ZNF341: variants seen among roughly 807,000 people sequenced by gnomAD.
ZNF341 encodes zinc finger protein 341.
Under a neutral mutation model 87.7 loss-of-function variants are expected in ZNF341, and 52 were observed. The observed-to-expected ratio is 0.59, with a 90% CI of 0.47 to 0.75. The LOEUF is 0.75. ZNF341 is among the 30% of genes least tolerant of loss of function. The probability of loss-of-function intolerance (pLI) is 0.00; values close to 1 mark genes in which losing one functional copy is unlikely to be tolerated. For synonymous variants in ZNF341, 459 were observed against 472.7 expected, an observed-to-expected ratio of 0.97 and a Z score of 0.38; for missense variants, 977 against 1,145.9, an observed-to-expected ratio of 0.85 and a Z score of 2.13.
chr20:33,753,301 C>G lies in ZNF341; in HGVS notation c.619C>G (p.Pro207Ala), dbSNP rs569450704. The change falls in exon 5 of 15, where the codon CCT (proline) becomes GCT (alanine). Residue 207 changes from proline to alanine, a missense_variant. Physicochemically the swap from Pro to Ala is conservative, Grantham distance 27 (BLOSUM62 -1). Around this residue, in one of 3 missense-constraint regions of ZNF341, gnomAD observed 515 missense variants for 598.2 expected, o/e 0.86. Transcript: ENST00000375200. ...ACCTCCACCCCAGAGCCTGGGCCCC[C>G]CTGGGCGTCCCAACCCTGGTGGGAA... ...PPPPPQSLGP[P>A]GRPNPGGNGV... The G allele has an allele frequency of 1.4e-5, 23 of 1,611,962 alleles. No homozygotes were observed. The highest frequency in any genetic ancestry group is 9.3e-5 in the African/African-American group (7 of 75,034).
chr20:33,773,196 A>G lies in ZNF341; in HGVS notation c.1622+2904A>G, dbSNP rs544609107. Among the ~76,000 whole-genome samples the G allele has an allele frequency of 1.1e-4, 16 of 152,286 alleles. 1 individual carries two copies. Among genetic ancestry groups the G allele is most frequent in the African/African-American group, 3.9e-4 (16 of 41,558 alleles). Reference sequence around the variant, plus strand: ...AAGATGAAGACACTGAGGTTCAAAGAGAAGTGACCTGCCCACCAGAGTAAC... The same window carrying G: ...AAGATGAAGACACTGAGGTTCAAAGGGAAGTGACCTGCCCACCAGAGTAAC... On this transcript the variant is annotated intron_variant, in intron 10 of 14. Transcript: ENST00000375200.
In ZNF341 at chr20:33,765,434, A is replaced by G. The variant is rs548676115; in HGVS notation, c.1223-1417A>G. Among the ~76,000 whole-genome samples the G allele has an allele frequency of 1.2e-3, 183 of 150,472 alleles. 1 individual carries two copies. The highest frequency in any genetic ancestry group is 2.1e-3 in the Non-Finnish European group (144 of 67,606). ...TGCTCTGTCACCCAGGCTGGAGTGC[A>G]ATGGCATGATGGTGGCTCCCTGCAG... is the stretch of plus-strand genomic sequence containing the variant. On this transcript the variant is annotated intron_variant, in intron 8 of 14. Transcript: ENST00000375200.
At chr20:33,750,228 A>G (rs1187084660) in intron 4 of ZNF341, among the ~76,000 whole-genome samples, 1 of 152,148 alleles carries the variant, frequency 6.6e-6, no homozygotes, top group African/African-American at 2.4e-5. Flanking sequence ...AAGTGCTGGG[A>G]TTGTAGACGT....
At chr20:33,755,328 T>C (rs1386161226) in intron 5 of ZNF341, among the ~76,000 whole-genome samples, 2 of 151,904 alleles carry the variant, frequency 1.3e-5, no homozygotes, top group Non-Finnish European at 2.9e-5. Context: ...CAGAGGGATG[T>C]TTTTTCTTTT....
intron 5 of ZNF341, among the ~76,000 whole-genome samples, chr20:33,755,472 A>AT (rs557907558): frequency 7.3e-4 from 109 of 149,240 alleles, no homozygotes; most frequent in African/African-American, 2.3e-3. Context: ...AGATTTTATA[A>AT]TTTTTTTTGT....
intron 8 of ZNF341, among the ~76,000 whole-genome samples, chr20:33,764,683 A>G (rs1312126533): frequency 5.6e-5 from 8 of 143,718 alleles, no homozygotes; most frequent in Admixed American, 2.9e-4. Context: ...AACCCGATAT[A>G]TTAACATTAT....
intron 12 of ZNF341, among the ~76,000 whole-genome samples, chr20:33,785,601 T>C (rs1161269801): frequency 6.6e-6 from 1 of 152,136 alleles, no homozygotes; most frequent in Non-Finnish European, 1.5e-5. Context: ...CCTCTCAAAG[T>C]GCTGGGATTA....
intron 4 of ZNF341, among the ~76,000 whole-genome samples, chr20:33,750,697 G>A (rs1396310324): frequency 6.6e-6 from 1 of 151,770 alleles, no homozygotes; most frequent in Admixed American, 6.6e-5. Flanking sequence ...CTGGAGTGCA[G>A]TGGCACCATC....
intron 7 of ZNF341, among the ~76,000 whole-genome samples, chr20:33,760,118 T>A (rs2019261687): frequency 6.6e-6 from 1 of 152,168 alleles, no homozygotes; most frequent in African/African-American, 2.4e-5. Context: ...AATGCTCAAA[T>A]TGGGTTGGGC....
chr20:33,791,115 C>A lies in ZNF341; in HGVS notation c.2163C>A (p.Ser721=), dbSNP rs575131494. The A allele has an allele frequency of 2.7e-4, 433 of 1,613,374 alleles. 1 individual carries two copies. In the African/African-American group the frequency reaches 5.4e-3, roughly 20 times the overall value. The change falls in exon 15 of 15, where the codon TCC becomes TCA. Residue 721 remains serine, a synonymous_variant. Transcript: ENST00000375200. ...GTGCTGGCTGCGCCAAGGGCTTTTC[C>A]CGCCACAAATACCTCAAAGATCACC... ...FRCAGCAKGF[S]RHKYLKDHRC...
intron 3 of ZNF341, among the ~76,000 whole-genome samples, chr20:33,746,080 G>A (rs1278896321): frequency 1.4e-5 from 2 of 145,682 alleles, no homozygotes; most frequent in African/African-American, 5.1e-5. Flanking sequence ...ACAGGTGCCC[G>A]CCACCACACC....
intron 10 of ZNF341, among the ~76,000 whole-genome samples, chr20:33,770,687 T>G (rs1284288977): frequency 6.6e-6 from 1 of 152,020 alleles, no homozygotes; most frequent in East Asian, 1.9e-4. Flanking sequence ...TCTTAACAAT[T>G]AAAAAAGAAT....
rs146122321 is a variant in ZNF341, at chr20:33,772,369, T to G, written c.1622+2077T>G. ...TGGTTTTTGCTTCTCTGTACAAACT[T>G]GTACCTGCAGAGATTTGGTGTTTCT... On this transcript the variant is annotated intron_variant, in intron 10 of 14. Transcript: ENST00000375200. 6.5e-3 allele frequency among the ~76,000 whole-genome samples: 997 copies of G among 152,282 alleles called. 8 individuals carry two copies. Among genetic ancestry groups the G allele is most frequent in the South Asian group, 0.032 (152 of 4,824 alleles).
At chr20:33,752,234 G>C (rs1457658066) in intron 4 of ZNF341, 2 of 576,490 alleles carry the variant, frequency 3.5e-6, no homozygotes, top group Non-Finnish European at 6.8e-6. Context: ...GGTAACCAAA[G>C]TATAGAGCTT....
At chr20:33,733,123 T>G (rs1187350242) in intron 1 of ZNF341, among the ~76,000 whole-genome samples, 1 of 151,992 alleles carries the variant, frequency 6.6e-6, no homozygotes, top group Admixed American at 6.6e-5. Flanking sequence ...CTCGGCTCAC[T>G]GCAACCTCCC....
chr20:33,738,239 GACTGT>G (rs2018732324), intron 1 of ZNF341, among the ~76,000 whole-genome samples: 8 of 152,002 alleles, frequency 5.3e-5, no homozygotes, highest in Admixed American at 5.2e-4. Flanking sequence ...AAGAGTTTGA[GACTGT>G]CCTGGGCAAC....
intron 4 of ZNF341, among the ~76,000 whole-genome samples, chr20:33,749,436 G>C (rs551152422): frequency 6.3e-4 from 96 of 152,220 alleles, no homozygotes; most frequent in Middle Eastern, 3.4e-3. Context: ...GAGATTACAG[G>C]CATGTGCCAC....
chr20:33,740,849 T>G, intron 1 of ZNF341, 53 bp from the exon 2 acceptor site: 3 of 1,549,738 alleles, frequency 1.9e-6, no homozygotes, highest in Non-Finnish European at 2.7e-6. Flanking sequence ...AAGGGTGATG[T>G]CAGAGCATGA....
rs1035634066 is a variant in ZNF341, at chr20:33,776,293, A to G, written c.1623-4998A>G. On this transcript the variant is annotated intron_variant, in intron 10 of 14. Coordinates refer to ENST00000375200, the MANE Select transcript of ZNF341 (RefSeq NM_001282933.2). ...CTTTTTGTAGAAACAGGGTTTCGCCATATTGCTCAGGCTTGTCTCAAATTC... is the reference window on the plus strand; with the variant it reads ...CTTTTTGTAGAAACAGGGTTTCGCCGTATTGCTCAGGCTTGTCTCAAATTC... Among the ~76,000 whole-genome samples, 3 of 151,338 alleles carry G rather than the reference A, an allele frequency of 2.0e-5. No homozygotes were observed. In the East Asian group the frequency reaches 5.8e-4, roughly 29 times the overall value.
Sources: gnomAD v4.1 joint callset for allele counts (sites outside exome capture counted in the v4.1 genomes callset) on GRCh38, gnomAD v4.1.1 for gene constraint, gnomAD v4.1.1 regional missense constraint, MANE v1.5 for transcripts, NCBI Gene and HGNC (gene_info 2026-07-23, HGNC 2026-07-21) for gene names.